YES1: variants seen among roughly 807,000 people sequenced by gnomAD.
YES1 encodes tyrosine-protein kinase Yes.
YES1 carries 39 observed loss-of-function variants against 70.4 expected under a neutral mutation model. The observed-to-expected ratio is 0.55, with a 90% CI of 0.43 to 0.72. YES1 has a LOEUF of 0.72. Ranked by LOEUF, YES1 falls within the 30% of genes least tolerant of loss-of-function variation. The pLI is 0.00. For missense variants in YES1, 495 were observed against 644.8 expected, an observed-to-expected ratio of 0.77 and a Z score of 2.52; for synonymous variants, 198 against 218.6, an observed-to-expected ratio of 0.91 and a Z score of 0.83.
chr18:770,580 T>C (rs1890303665), intron 1 of YES1, among the ~76,000 whole-genome samples: 1 of 152,202 alleles, frequency 6.6e-6, no homozygotes, highest in Non-Finnish European at 1.5e-5. Flanking sequence ...CCATAAATTC[T>C]GATCTCTATC....
chr18:796,935 A>G (rs781275703), intron 1 of YES1, among the ~76,000 whole-genome samples: 9 of 152,218 alleles, frequency 5.9e-5, no homozygotes, highest in Non-Finnish European at 1.0e-4. Context: ...TTACCTCACA[A>G]CATACATAAA....
At chr18:761,907 C>T (rs1268527844) in intron 1 of YES1, among the ~76,000 whole-genome samples, 1 of 152,266 alleles carries the variant, frequency 6.6e-6, no homozygotes, top group East Asian at 1.9e-4. Flanking sequence ...AACATCATGG[C>T]TGGGCATCGT....
chr18:768,893 G>C (rs1363885468), intron 1 of YES1, among the ~76,000 whole-genome samples: 1 of 152,012 alleles, frequency 6.6e-6, no homozygotes, highest in Non-Finnish European at 1.5e-5. Context: ...AGTAGAGACA[G>C]GGTTTCCCCA....
upstream of YES1, chr18:812,268 C>T (rs1452362842): frequency 2.0e-5 from 3 of 151,664 alleles, no homozygotes; most frequent in Non-Finnish European, 4.4e-5. Context: ...GGACGCGTTA[C>T]TTCAGGAGGA....
intron 9 of YES1, chr18:739,476 G>A: frequency 3.1e-6 from 1 of 320,120 alleles, no homozygotes; most frequent in Non-Finnish European, 5.6e-6. Context: ...GGTGGCCTGT[G>A]CCTGCAGTCC....
chr18:742,869 T>G lies in YES1; in HGVS notation c.1060+49A>C, dbSNP rs368921388. On this transcript the variant is annotated intron_variant, in intron 8 of 11. Coordinates refer to ENST00000314574, the MANE Select transcript of YES1 (RefSeq NM_005433.4). The stretch of plus-strand genomic sequence containing the variant: ...AGTCTATATGCATACAAATCAAGAC[T>G]CTTAAAAACATTATCAACACAAATA... 4.8e-6 allele frequency: 7 copies of G among 1,460,712 alleles called. No homozygotes were observed. In the African/African-American group the frequency reaches 9.9e-5, roughly 21 times the overall value. The allele number at this position is 1,460,712 out of a possible 1,614,324, so 90.5% of individuals were successfully genotyped here. A position where few individuals can be genotyped will look rare whatever the true frequency, so the allele number is the denominator to read the frequency against.
intron 1 of YES1, among the ~76,000 whole-genome samples, chr18:770,602 T>C (rs577631795): frequency 6.6e-6 from 1 of 152,312 alleles, no homozygotes; most frequent in South Asian, 2.1e-4. Flanking sequence ...CTTCATCTTG[T>C]TCTTTGCTCA....
intron 10 of YES1, among the ~76,000 whole-genome samples, chr18:733,381 T>G (rs556845951): frequency 6.6e-6 from 1 of 152,358 alleles, no homozygotes; most frequent in African/African-American, 2.4e-5. Flanking sequence ...TATATCATTC[T>G]GGAAAATTTT....
chr18:751,253 A>C (rs989606036), intron 3 of YES1, among the ~76,000 whole-genome samples: 8 of 152,144 alleles, frequency 5.3e-5, no homozygotes, highest in Non-Finnish European at 1.2e-4. Context: ...TCTAGACAAA[A>C]AGTCTGTCAC....
At chr18:794,946 G>A (rs1906462778) in intron 1 of YES1, among the ~76,000 whole-genome samples, 1 of 152,128 alleles carries the variant, frequency 6.6e-6, no homozygotes, top group African/African-American at 2.4e-5. Flanking sequence ...CTCCCAAGTT[G>A]CTCGAACTAC....
At chr18:739,283 C>T (rs1219242949) in intron 9 of YES1, 1 of 152,656 alleles carries the variant, frequency 6.6e-6, no homozygotes, top group Non-Finnish European at 1.5e-5. Flanking sequence ...ATTAAGAGCT[C>T]ACATTGGATT....
intron 1 of YES1, among the ~76,000 whole-genome samples, chr18:766,338 G>A (rs879234947): frequency 3.3e-5 from 5 of 151,948 alleles, no homozygotes; most frequent in African/African-American, 9.7e-5. Context: ...TGTTATCATC[G>A]ATGATGCCTA....
intron 1 of YES1, chr18:788,082 C>T (rs1906057262): frequency 6.6e-6 from 1 of 152,156 alleles, no homozygotes; most frequent in South Asian, 2.1e-4. Flanking sequence ...CTCTTCACAT[C>T]CATTTACATG....
rs371352602 is a variant in YES1 at position 745,986 on chromosome 18, C to T, written c.536G>A (p.Arg179Gln). The change falls in exon 5 of 12, where the codon CGA becomes CAA. Residue 179 changes from arginine (R) to glutamine (Q), a missense_variant. By Grantham distance (43) the Arg-to-Gln change is conservative. Around this residue, in one of 2 missense-constraint regions of YES1, gnomAD observed 385 missense variants for 540.9 expected, o/e 0.71. Transcript: ENST00000314574. Reference protein sequence around the residue: ...ERLLLNPGNQRGIFLVRESET... With the variant: ...ERLLLNPGNQQGIFLVRESET... Reference sequence around the variant, plus strand: ...ACTCTCTCTTACTAAGAAAATACCTCGTTGATTTCCAGGATTCAAAAGTAA... The same window carrying T: ...ACTCTCTCTTACTAAGAAAATACCTTGTTGATTTCCAGGATTCAAAAGTAA... 28 of 1,613,054 alleles carry T rather than the reference C, an allele frequency of 1.7e-5. No individual in the cohort carries two copies. In the Middle Eastern group the frequency reaches 5.1e-4, roughly 29 times the overall value.
At chr18:792,650 G>C (rs1183551731) in intron 1 of YES1, among the ~76,000 whole-genome samples, 1 of 151,230 alleles carries the variant, frequency 6.6e-6, no homozygotes, top group African/African-American at 2.4e-5. Context: ...TATATATGAA[G>C]GAGGAGCAGC....
At chr18:765,453 T>C (rs1298213040) in intron 1 of YES1, among the ~76,000 whole-genome samples, 8 of 148,580 alleles carry the variant, frequency 5.4e-5, no homozygotes, top group Admixed American at 1.4e-4. Context: ...GGCTGGAGTG[T>C]AGTGGCGTGA....
At chr18:806,132 T>C (rs916601643) in intron 1 of YES1, among the ~76,000 whole-genome samples, 2 of 152,248 alleles carry the variant, frequency 1.3e-5, no homozygotes, top group East Asian at 1.9e-4. Context: ...TAGGTATATA[T>C]GAACAAGTCA....
intron 1 of YES1, among the ~76,000 whole-genome samples, chr18:792,939 CATG>C (rs1906344358): frequency 6.6e-6 from 1 of 151,964 alleles, no homozygotes; most frequent in South Asian, 2.1e-4. Context: ...GGAATCCTTC[CATG>C]ATATTATATA....
intron 1 of YES1, among the ~76,000 whole-genome samples, chr18:791,871 A>G (rs932080657): frequency 6.6e-6 from 1 of 151,962 alleles, no homozygotes; most frequent in South Asian, 2.1e-4. Context: ...CCTGACCAAC[A>G]TGGTGAAACC....
Sources: gnomAD v4.1 joint callset for allele counts (sites outside exome capture counted in the v4.1 genomes callset) on GRCh38, gnomAD v4.1.1 for gene constraint, gnomAD v4.1.1 regional missense constraint, MANE v1.5 for transcripts, NCBI Gene and HGNC (gene_info 2026-07-23, HGNC 2026-07-21) for gene names.